Variants in WFDC3 observed in about 807,000 individuals in gnomAD.
WFDC3 encodes the protein WAP four-disulfide core domain protein 3.
A neutral mutation model predicts 25.8 loss-of-function variants in WFDC3; 15 were observed. The observed-to-expected ratio is 0.58, with a 90% CI of 0.39 to 0.89. The LOEUF (loss-of-function observed/expected upper bound fraction) is 0.89. WFDC3 is among the 40% of genes least tolerant of loss of function. The pLI is 0.00. For synonymous variants in WFDC3, 103 were observed against 107.1 expected (o/e 0.96, Z 0.24); for missense variants, 264 against 289.8 (o/e 0.91, Z 0.65).
chr20:45,781,479 T>C (rs898615655), intron 4 of WFDC3, among the ~76,000 whole-genome samples: 32 of 152,214 alleles, frequency 2.1e-4, no homozygotes, highest in Admixed American at 2.0e-3. Flanking sequence ...ACTCAGCGTA[T>C]AGTCATACCC....
intron 4 of WFDC3, among the ~76,000 whole-genome samples, chr20:45,783,667 G>A (rs748339447): frequency 5.3e-5 from 8 of 152,078 alleles, no homozygotes; most frequent in East Asian, 1.9e-4. Flanking sequence ...ACAGTGTCAT[G>A]AGAGCAGGAC....
At chr20:45,775,277 A>G in intron 6 of WFDC3, 140 bp downstream of exon 6, 2 of 1,194,200 alleles carry the variant, frequency 1.7e-6, no homozygotes, top group Non-Finnish European at 2.4e-6. Flanking sequence ...TGTTTGTATG[A>G]GGGTTTTCAT....
At chr20:45,779,865 G>C (rs950253693) in intron 4 of WFDC3, 1 of 152,176 alleles carries the variant, frequency 6.6e-6, no homozygotes, top group Non-Finnish European at 1.5e-5. Flanking sequence ...TTCCAGGCCA[G>C]GCTTCCTGGA....
At chr20:45,787,586 T>G (rs1417434814) in intron 4 of WFDC3, among the ~76,000 whole-genome samples, 1 of 152,118 alleles carries the variant, frequency 6.6e-6, no homozygotes, top group Non-Finnish European at 1.5e-5. Flanking sequence ...CCACCACACC[T>G]GGCTACTCAA....
chr20:45,783,453 G>C (rs1028381007), intron 4 of WFDC3, among the ~76,000 whole-genome samples: 1 of 151,964 alleles, frequency 6.6e-6, no homozygotes, highest in Admixed American at 6.6e-5. Flanking sequence ...ACTCCAGCCT[G>C]GGTGATAGAG....
At chr20:45,782,503 G>A (rs539147497) in intron 4 of WFDC3, among the ~76,000 whole-genome samples, 3 of 151,668 alleles carry the variant, frequency 2.0e-5, no homozygotes, top group Non-Finnish European at 4.4e-5. Flanking sequence ...TCAGCCTCCC[G>A]AGTAGCTGGG....
intron 4 of WFDC3, among the ~76,000 whole-genome samples, chr20:45,785,295 C>T (rs769378515): frequency 6.6e-6 from 1 of 151,902 alleles, no homozygotes; most frequent in African/African-American, 2.4e-5. Flanking sequence ...CATGGCAAAA[C>T]CCCATCTCTT....
chr20:45,782,443 T>C (rs892800891), intron 4 of WFDC3, among the ~76,000 whole-genome samples: 2 of 151,968 alleles, frequency 1.3e-5, no homozygotes, highest in South Asian at 2.1e-4. Context: ...AGTGGTGCGA[T>C]CTCGGCTCTC....
chr20:45,774,368 T>TC lies in WFDC3; in HGVS notation c.*59dup. The TC allele has an allele frequency of 3.1e-6, 5 of 1,613,336 alleles. No homozygotes were observed. Among genetic ancestry groups the TC allele is most frequent in the Non-Finnish European group, 4.2e-6 (5 of 1,179,388 alleles). On this transcript the variant is annotated 3_prime_UTR_variant, in exon 7 of 7. Coordinates refer to ENST00000243938, the MANE Select transcript of WFDC3 (RefSeq NM_080614.2). ...TCACAAGCCCCAGGATGTCACCCTC[T>TC]CTTGACTGCCAGGAAAAGCTTCCAG...
Position 45,774,303 on chromosome 20 carries a change from A to T in WFDC3, c.*125T>A. 7.6e-7 allele frequency: 1 copy of T among 1,307,996 alleles called. No individual in the cohort carries two copies. The highest frequency in any genetic ancestry group is 1.5e-5 in the African/African-American group (1 of 68,738). 81.0% of individuals were successfully genotyped at this position (1,307,996 alleles called of 1,614,324 possible). A position where few individuals can be genotyped will look rare whatever the true frequency, so the allele number is the denominator to read the frequency against. On this transcript the variant is annotated 3_prime_UTR_variant, in exon 7 of 7. Transcript: ENST00000243938. Reference sequence around the variant, plus strand: ...CCATGCTCTGGTCAGCGGCAGGAGGAGAAGCAGAGCAGAGAGGGCCATGAG... The same window carrying T: ...CCATGCTCTGGTCAGCGGCAGGAGGTGAAGCAGAGCAGAGAGGGCCATGAG...
rs1437805190 is a variant in WFDC3 at position 45,774,444 on chromosome 20, T to C, written c.680A>G (p.Glu227Gly). 6.2e-7 allele frequency: 1 copy of C among 1,614,116 alleles called. No homozygotes were observed. Among genetic ancestry groups the C allele is most frequent in the East Asian group, 2.2e-5 (1 of 44,876 alleles). ...TCAGCACAGCTAGGGCACCGGGATC[T>C]CTGCAAGTAGAAGAAACATCAAGTC... ...NWTVRSDSEL[E>G]IPVP Residue 227 changes from glutamate to glycine, a missense_variant and splice_region_variant, in exon 7 of 7, where the codon GAG becomes GGG. By Grantham distance (98) the Glu-to-Gly change is moderately conservative (BLOSUM62 -2). Transcript: ENST00000243938.
rs939663080 is a variant in WFDC3 at position 45,777,118 on chromosome 20, G to A, written c.450C>T (p.Cys150=). Residue 150 remains cysteine (C), a synonymous_variant, in exon 5 of 7, where the codon TGC becomes TGT. Transcript: ENST00000243938. The stretch of plus-strand genomic sequence containing the variant: ...GGCAGGTGCGGCCACAGCCGGTGCT[G>A]CAGCATTTATGCCCCTGGGGACAGG... The part of the protein sequence containing the change: ...DASCPQGHKC[C]STGCGRTCLG... 1.2e-6 allele frequency: 2 copies of A among 1,612,094 alleles called. No homozygotes were observed. The highest frequency in any genetic ancestry group is 2.7e-5 in the African/African-American group (2 of 74,686).
At chr20:45,782,907 G>A (rs965415350) in intron 4 of WFDC3, among the ~76,000 whole-genome samples, 4 of 152,164 alleles carry the variant, frequency 2.6e-5, no homozygotes, top group African/African-American at 4.8e-5. Context: ...GCCTAAGAGA[G>A]AAGCCCTGAA....
intron 4 of WFDC3, among the ~76,000 whole-genome samples, chr20:45,787,298 T>TC (rs1980723520): frequency 1.6e-5 from 2 of 125,090 alleles, no homozygotes; most frequent in South Asian, 6.0e-4. Flanking sequence ...TTTTTTTTTT[T>TC]TTTTTTTTTT....
chr20:45,789,094 G>C lies in WFDC3; in HGVS notation c.83-35C>G, dbSNP rs568515153. On this transcript the variant is annotated intron_variant, in intron 2 of 6. Transcript: ENST00000243938. The stretch of plus-strand genomic sequence containing the variant: ...ATACTATTTGAGTTTGGGGTAACTA[G>C]CCAGGCCTCAGAAATGGGGAATGGA... The C allele has an allele frequency of 1.1e-5, 17 of 1,608,790 alleles. No individual in the cohort carries two copies. The African/African-American group carries it at 1.9e-4, about 18-fold the overall frequency.
chr20:45,776,656 A>ATGTGTGTG (rs1482229487), intron 5 of WFDC3, among the ~76,000 whole-genome samples: 89 of 104,932 alleles, frequency 8.5e-4, no homozygotes, highest in African/African-American at 3.0e-3. Flanking sequence ...ATATATATAT[A>ATGTGTGTG]TATATGTGTG....
intron 4 of WFDC3, among the ~76,000 whole-genome samples, chr20:45,783,202 G>A (rs1028394908): frequency 1.3e-5 from 2 of 152,304 alleles, no homozygotes; most frequent in Admixed American, 6.5e-5. Flanking sequence ...AAACGGATAG[G>A]TCAGGCATCA....
intron 6 of WFDC3, 38 bp downstream of exon 6, chr20:45,775,379 G>A (rs1484727424): frequency 1.2e-6 from 2 of 1,603,010 alleles, no homozygotes; most frequent in East Asian, 2.2e-5. Flanking sequence ...GCACATAGCA[G>A]TTGTCTGTTA....
chr20:45,776,215 A>G (rs925995922), intron 5 of WFDC3, among the ~76,000 whole-genome samples: 1 of 151,482 alleles, frequency 6.6e-6, no homozygotes, highest in Non-Finnish European at 1.5e-5. Context: ...CTGGCACTCA[A>G]AAATATTTGT....
Sources: gnomAD v4.1 joint callset for allele counts (sites outside exome capture counted in the v4.1 genomes callset) on GRCh38, gnomAD v4.1.1 for gene constraint, MANE v1.5 for transcripts, NCBI Gene and HGNC (gene_info 2026-07-23, HGNC 2026-07-21) for gene names.